PCCA: variants seen among roughly 807,000 people sequenced by gnomAD.
The protein encoded by PCCA is propionyl-CoA carboxylase subunit alpha.
A neutral mutation model predicts 101.3 loss-of-function variants in PCCA; 74 were observed. The ratio of observed to expected loss-of-function variants is 0.73; its 90% confidence interval spans 0.61 to 0.89. The LOEUF is 0.89. Among genes scored for constraint, PCCA ranks in the 40% least tolerant of loss-of-function variants. The pLI is 0.00. For missense variants in PCCA, 891 were observed against 907.0 expected, an observed-to-expected ratio of 0.98 and a Z score of 0.23; for synonymous variants, 294 against 313.6, an observed-to-expected ratio of 0.94 and a Z score of 0.66.
chr13:100,143,006 C>T (rs1220289869), intron 4 of PCCA, among the ~76,000 whole-genome samples: 1 of 152,160 alleles, frequency 6.6e-6, no homozygotes, highest in African/African-American at 2.4e-5. Context: ...GGCTCTGATT[C>T]TCCCCCTTAC....
intron 18 of PCCA, among the ~76,000 whole-genome samples, chr13:100,348,752 C>G (rs1390393589): frequency 1.8e-5 from 1 of 54,542 alleles, no homozygotes; most frequent in South Asian, 6.0e-4. Flanking sequence ...TTCTTTCTTT[C>G]TTTCTTTCTT....
At chr13:100,224,050 C>T (rs2059985039) in intron 7 of PCCA, among the ~76,000 whole-genome samples, 1 of 152,256 alleles carries the variant, frequency 6.6e-6, no homozygotes, top group Non-Finnish European at 1.5e-5. Context: ...CGTGCGCCCG[C>T]ACTCCTCAGC....
intron 12 of PCCA, among the ~76,000 whole-genome samples, chr13:100,276,933 C>T (rs1309479042): frequency 6.6e-6 from 1 of 151,940 alleles, no homozygotes; most frequent in East Asian, 1.9e-4. Context: ...CTGTTGAGTT[C>T]CTGTTGGGCC....
chr13:100,183,659 A>AG (rs2056996858), intron 6 of PCCA, among the ~76,000 whole-genome samples: 3 of 152,152 alleles, frequency 2.0e-5, no homozygotes, highest in Non-Finnish European at 4.4e-5. Context: ...ACACAGGTGG[A>AG]GGGGACATTC....
intron 16 of PCCA, among the ~76,000 whole-genome samples, chr13:100,322,269 T>G (rs2068142601): frequency 6.6e-6 from 1 of 150,578 alleles, no homozygotes; most frequent in South Asian, 2.1e-4. Flanking sequence ...AATGAGAGAG[T>G]CGGAAGTTGC....
intron 19 of PCCA, among the ~76,000 whole-genome samples, chr13:100,383,192 A>T (rs569289601): frequency 2.0e-5 from 3 of 151,832 alleles, no homozygotes; most frequent in Non-Finnish European, 2.9e-5. Flanking sequence ...GGTTTTCGCC[A>T]TGTTGCCTAG....
intron 4 of PCCA, among the ~76,000 whole-genome samples, chr13:100,130,787 G>A (rs906615307): frequency 2.6e-5 from 4 of 152,136 alleles, no homozygotes; most frequent in Non-Finnish European, 5.9e-5. Flanking sequence ...TTAATTAAAT[G>A]TTACAGATCC....
At chr13:100,463,998 C>T (rs1254828999) in intron 21 of PCCA, among the ~76,000 whole-genome samples, 2 of 152,160 alleles carry the variant, frequency 1.3e-5, no homozygotes, top group Non-Finnish European at 2.9e-5. Flanking sequence ...TAATGCCTTA[C>T]GCGTGTATGG....
chr13:100,501,803 G>A (rs2085693187), intron 21 of PCCA, among the ~76,000 whole-genome samples: 1 of 152,142 alleles, frequency 6.6e-6, no homozygotes, highest in South Asian at 2.1e-4. Context: ...GAACCCGGGT[G>A]GCGGAGGTTG....
rs1595030817 is a variant in PCCA at position 100,268,487 on chromosome 13, G to A, written c.820-202G>A. The stretch of plus-strand genomic sequence containing the variant: ...GAACACTTTTTCCTCAAATCTTTTT[G>A]ATAAAAATGTTTTATTGAGCTTTGG... On this transcript the variant is annotated intron_variant, in intron 10 of 23. Coordinates refer to ENST00000376285, the MANE Select transcript of PCCA (RefSeq NM_000282.4). 14 of 634,706 alleles carry A rather than the reference G, an allele frequency of 2.2e-5. No individual in the cohort carries two copies. The East Asian group carries it at 4.0e-4, about 18-fold the overall frequency. 39.3% of individuals were successfully genotyped at this position (634,706 alleles called of 1,614,324 possible). A position where few individuals can be genotyped will look rare whatever the true frequency, so the allele number is the denominator to read the frequency against.
chr13:100,143,153 G>C (rs371382249), intron 4 of PCCA, among the ~76,000 whole-genome samples: 1 of 152,114 alleles, frequency 6.6e-6, no homozygotes, highest in Admixed American at 6.6e-5. Flanking sequence ...AGGAACTTCT[G>C]TTCCTGGTAG....
intron 2 of PCCA, among the ~76,000 whole-genome samples, chr13:100,103,915 C>T (rs1311262291): frequency 3.3e-5 from 5 of 152,164 alleles, no homozygotes; most frequent in Non-Finnish European, 7.3e-5. Context: ...GGATTACAGG[C>T]GTGAGCCACT....
At chr13:100,420,587 A>G (rs565565190) in intron 19 of PCCA, among the ~76,000 whole-genome samples, 58 of 152,282 alleles carry the variant, frequency 3.8e-4, no homozygotes, top group South Asian at 8.3e-4. Flanking sequence ...TCAAAAAAAC[A>G]AAGACATTAA....
rs577968121 is a variant in PCCA, at chr13:100,166,842, T to C, written c.468+9502T>C. 1.1e-4 allele frequency among the ~76,000 whole-genome samples: 17 copies of C among 152,316 alleles called. No individual in the cohort carries two copies. In the South Asian group the frequency reaches 3.5e-3, roughly 32 times the overall value. On this transcript the variant is annotated intron_variant, in intron 6 of 23. Coordinates refer to ENST00000376285, the MANE Select transcript of PCCA (RefSeq NM_000282.4). ...TATCTTCTTAGAATCTGCAAACTCG[T>C]TGGTACAATTTTACATTTCCGCCAA...
At chr13:100,509,860 T>C (rs895941228) in intron 21 of PCCA, among the ~76,000 whole-genome samples, 3 of 151,982 alleles carry the variant, frequency 2.0e-5, no homozygotes, top group Non-Finnish European at 2.9e-5. Flanking sequence ...TGTTTTGTTT[T>C]TGTCTAAAAG....
chr13:100,411,853 G>A (rs1210284988), intron 19 of PCCA, among the ~76,000 whole-genome samples: 3 of 152,156 alleles, frequency 2.0e-5, no homozygotes, highest in African/African-American at 7.2e-5. Context: ...CAAAGGTCCT[G>A]TCTCCTCATA....
At chr13:100,455,438 G>A (rs1163500330) in intron 21 of PCCA, among the ~76,000 whole-genome samples, 4 of 152,016 alleles carry the variant, frequency 2.6e-5, no homozygotes, top group African/African-American at 4.8e-5. Context: ...TGTTTTACGC[G>A]TTTTTAAACT....
intron 4 of PCCA, among the ~76,000 whole-genome samples, chr13:100,141,676 G>T (rs1480733036): frequency 6.6e-6 from 1 of 152,164 alleles, no homozygotes; most frequent in African/African-American, 2.4e-5. Flanking sequence ...GCCTCCCAAA[G>T]TGCTAAGTTT....
chr13:100,510,984 T>C (rs1178222871), intron 21 of PCCA, among the ~76,000 whole-genome samples: 1 of 152,212 alleles, frequency 6.6e-6, no homozygotes, highest in Non-Finnish European at 1.5e-5. Flanking sequence ...CACTGTTGTG[T>C]CTTGGAGATT....
Sources: allele counts gnomAD v4.1 joint callset (sites outside exome capture counted in the v4.1 genomes callset), GRCh38; gene constraint gnomAD v4.1.1; transcripts MANE v1.5; gene names NCBI Gene and HGNC (gene_info 2026-07-23, HGNC 2026-07-21).